The following STK31 variants were observed in gnomAD, a reference collection of about 807,000 sequenced individuals.
STK31 encodes the protein serine/threonine kinase 31, also known as serine/threonine-protein kinase 31.
A neutral mutation model predicts 129.7 loss-of-function variants in STK31; 89 were observed. The ratio of observed to expected loss-of-function variants is 0.69; its 90% CI spans 0.58 to 0.82. The LOEUF (loss-of-function observed/expected upper bound fraction) is 0.82. STK31 is among the 40% of genes least tolerant of loss of function. The probability of loss-of-function intolerance (pLI) is 0.00; values close to 1 mark genes in which losing one functional copy is unlikely to be tolerated. For synonymous variants in STK31, 448 were observed against 395.3 expected (o/e 1.13, Z -1.58); for missense variants, 1,187 against 1,176.4 (o/e 1.01, Z -0.13).
At chr7:23,776,142 A>T (rs1024896642) in intron 15 of STK31, among the ~76,000 whole-genome samples, 2 of 152,266 alleles carry the variant, frequency 1.3e-5, no homozygotes, top group Admixed American at 6.5e-5. Context: ...ACTTATTTGC[A>T]TATTTTGAAC....
At chr7:23,806,943 ACTCACTAAT>A (rs1792753347) in intron 22 of STK31, among the ~76,000 whole-genome samples, 1 of 150,580 alleles carries the variant, frequency 6.6e-6, no homozygotes, top group African/African-American at 2.4e-5. Context: ...GGATGGACGG[ACTCACTAAT>A]CTCTTTAGTA....
At chr7:23,819,939 A>C (rs541317701) in intron 23 of STK31, among the ~76,000 whole-genome samples, 3 of 152,246 alleles carry the variant, frequency 2.0e-5, no homozygotes, top group African/African-American at 4.8e-5. Flanking sequence ...AAAAACCAAA[A>C]CCAGAAATAG....
intron 22 of STK31, among the ~76,000 whole-genome samples, chr7:23,794,528 C>T (rs368398409): frequency 3.3e-5 from 5 of 152,086 alleles, no homozygotes; most frequent in African/African-American, 9.7e-5. Context: ...TAAAGATACC[C>T]GAAAATGTGG....
intron 22 of STK31, among the ~76,000 whole-genome samples, chr7:23,804,916 C>CT (rs1330589525): frequency 1.3e-5 from 2 of 152,034 alleles, no homozygotes; most frequent in Non-Finnish European, 2.9e-5. Context: ...TAGCTTTTTT[C>CT]TTTATTTACT....
At chr7:23,776,759 C>T (rs1301770437) in intron 15 of STK31, among the ~76,000 whole-genome samples, 1 of 151,908 alleles carries the variant, frequency 6.6e-6, no homozygotes, top group African/African-American at 2.4e-5. Context: ...TTGATCTTTT[C>T]AAAAAACCAA....
At chr7:23,816,215 C>A (rs1584493486) in intron 23 of STK31, among the ~76,000 whole-genome samples, 1 of 151,910 alleles carries the variant, frequency 6.6e-6, no homozygotes, top group African/African-American at 2.4e-5. Context: ...AAGGGGATAA[C>A]AAAGAAGGTT....
intron 22 of STK31, among the ~76,000 whole-genome samples, chr7:23,802,571 T>C (rs969991790): frequency 3.9e-5 from 6 of 152,202 alleles, no homozygotes; most frequent in Admixed American, 3.3e-4. Context: ...TGGAGTGTAC[T>C]GGCACAATCT....
In STK31 at chr7:23,832,189, G is replaced by A; in HGVS notation, c.2883G>A (p.Met961Ile). 6.2e-7 allele frequency: 1 copy of A among 1,614,102 alleles called. No homozygotes were observed. The highest frequency in any genetic ancestry group is 8.5e-7 in the Non-Finnish European group (1 of 1,180,020). ...LCSLICYRSS[M>I]TAEQVLNAEC... is the part of the protein sequence containing the mutation. ...GCTTGATATGTTATAGAAGTTCAAT[G>A]ACTGCTGAACAAGTTTTAAATGCTG... The change falls in exon 24 of 24, where the codon ATG becomes ATA. Residue 961 changes from methionine (M) to isoleucine (I), a missense_variant. Met to Ile is a conservative substitution (Grantham distance 10). Coordinates refer to ENST00000355870, the MANE Select transcript of STK31 (RefSeq NM_031414.5).
intron 4 of STK31, among the ~76,000 whole-genome samples, chr7:23,723,250 A>C (rs1005178070): frequency 6.6e-6 from 1 of 152,108 alleles, no homozygotes. Flanking sequence ...TTATTTGCTG[A>C]AACAGTCTAA....
chr7:23,726,645 G>T (rs1787102094), intron 4 of STK31, among the ~76,000 whole-genome samples: 2 of 150,354 alleles, frequency 1.3e-5, no homozygotes, highest in Admixed American at 1.3e-4. Flanking sequence ...GAAAATGATT[G>T]AAAGTACATA....
At chr7:23,790,299 A>C (rs935264805) in intron 21 of STK31, among the ~76,000 whole-genome samples, 2 of 152,218 alleles carry the variant, frequency 1.3e-5, no homozygotes, top group Non-Finnish European at 2.9e-5. Flanking sequence ...ATGGACAAAA[A>C]AGAGGTTAAA....
At chr7:23,771,149 A>C in intron 14 of STK31, 25 bp downstream of exon 14, 1 of 1,513,932 alleles carries the variant, frequency 6.6e-7, no homozygotes. Context: ...TCTCTTATTG[A>C]TCTTATAAAT....
rs1554297249 is a variant in STK31 at position 23,808,943 on chromosome 7, TTGTGTGTGTG to T, written c.2761-6182_2761-6173del. Among the ~76,000 whole-genome samples, 4 of 84,436 alleles carry T rather than the reference TTGTGTGTGTG, an allele frequency of 4.7e-5. No individual in the cohort carries two copies. The South Asian group carries it at 1.6e-3, about 33-fold the overall frequency. 55.4% of individuals were successfully genotyped at this position (84,436 alleles called of 152,430 possible). On this transcript the variant is annotated intron_variant, in intron 22 of 23. Coordinates refer to ENST00000355870, the MANE Select transcript of STK31 (RefSeq NM_031414.5). ...AGGAAGCAGGCTTTTCTTGGAGCTTTTGTGTGTGTGTGTGTGTGTGTGTGTGTGCCTGTGT... is the reference window on the plus strand; with the variant it reads ...AGGAAGCAGGCTTTTCTTGGAGCTTTTGTGTGTGTGTGTGTGTGCCTGTGT...
intron 23 of STK31, among the ~76,000 whole-genome samples, chr7:23,815,993 A>G (rs1417786275): frequency 6.6e-6 from 1 of 152,180 alleles, no homozygotes; most frequent in Non-Finnish European, 1.5e-5. Context: ...GAAAGAGTAC[A>G]TATAATTTTG....
In STK31 at chr7:23,786,814, C is replaced by CA. The variant is rs1271626284; in HGVS notation, c.2401-23dup. Reference sequence around the variant, plus strand: ...TGTTGAAGAAGTTTTTACTTGGAGTCACATTCTCTGTTTTGCTTCTTAGTC... The same window carrying CA: ...TGTTGAAGAAGTTTTTACTTGGAGTCAACATTCTCTGTTTTGCTTCTTAGTC... On this transcript the variant is annotated intron_variant, in intron 19 of 23. Transcript: ENST00000355870. 3.1e-6 allele frequency: 5 copies of CA among 1,597,612 alleles called. No individual in the cohort carries two copies. In the African/African-American group the frequency reaches 6.7e-5, roughly 22 times the overall value.
chr7:23,804,541 C>G (rs1046815777), intron 22 of STK31, among the ~76,000 whole-genome samples: 1 of 152,168 alleles, frequency 6.6e-6, no homozygotes, highest in African/African-American at 2.4e-5. Flanking sequence ...TTACTTACCT[C>G]TCATTTATGG....
chr7:23,800,940 ATTTG>A (rs931466352), intron 22 of STK31, among the ~76,000 whole-genome samples: 14 of 152,048 alleles, frequency 9.2e-5, no homozygotes, highest in Admixed American at 5.2e-4. Flanking sequence ...TACATACCAA[ATTTG>A]TTTGTTCACC....
At chr7:23,744,028 T>C (rs930005121) in intron 8 of STK31, among the ~76,000 whole-genome samples, 6 of 152,026 alleles carry the variant, frequency 3.9e-5, no homozygotes, top group African/African-American at 1.4e-4. Flanking sequence ...CAATCAGTGC[T>C]CCTGCCTCAG....
intron 10 of STK31, among the ~76,000 whole-genome samples, chr7:23,760,450 A>G (rs555026474): frequency 1.3e-5 from 2 of 152,282 alleles, no homozygotes; most frequent in African/African-American, 4.8e-5. Flanking sequence ...TTAGATTCTA[A>G]CTGATCACTT....
Sources: gnomAD v4.1 joint callset for allele counts (sites outside exome capture counted in the v4.1 genomes callset) on GRCh38, gnomAD v4.1.1 for gene constraint, MANE v1.5 for transcripts, NCBI Gene and HGNC (gene_info 2026-07-23, HGNC 2026-07-21) for gene names.